Variants in GCLC observed in about 807,000 individuals in gnomAD.
GCLC encodes the protein glutamate-cysteine ligase catalytic subunit.
In GCLC, 30 loss-of-function variants were observed where a neutral mutation model predicts 81.5. The ratio of observed to expected loss-of-function variants is 0.37; its 90% confidence interval spans 0.28 to 0.50. The LOEUF (loss-of-function observed/expected upper bound fraction) is 0.50. GCLC is among the 20% of genes least tolerant of loss of function. The probability of loss-of-function intolerance (pLI) is 0.96; values close to 1 mark genes in which losing one functional copy is unlikely to be tolerated. For missense variants in GCLC, 556 were observed against 777.4 expected (o/e 0.72, Z 3.39); for synonymous variants, 262 against 273.3 (o/e 0.96, Z 0.41).
chr6:53,522,777 C>A, intron 1 of GCLC: 1 of 332,994 alleles, frequency 3.0e-6, no homozygotes, highest in Non-Finnish European at 5.6e-6. Flanking sequence ...ATGGAAAGGT[C>A]GATACCCATT....
rs3063831 is a variant in GCLC at position 53,504,221 on chromosome 6, CTT to C, written c.1395+1169_1395+1170del. On this transcript the variant is annotated intron_variant, in intron 12 of 15. Transcript: ENST00000650454. ...AAAAAATAGTAATTCTTTCCAGTTGCTTTTTTTTTTCAAGAGATGGGATCTGG... is the reference window on the plus strand; with the variant it reads ...AAAAAATAGTAATTCTTTCCAGTTGCTTTTTTTTCAAGAGATGGGATCTGG... Among the ~76,000 whole-genome samples, 2,404 of 150,010 alleles carry C rather than the reference CTT, an allele frequency of 0.016. 113 individuals are homozygous for C. The East Asian group carries it at 0.19, about 12-fold the overall frequency.
In GCLC at chr6:53,498,454, C is replaced by T. The variant is rs552111879; in HGVS notation, c.*302G>A. 8.3e-5 allele frequency: 28 copies of T among 337,592 alleles called. No individual in the cohort carries two copies. In the South Asian group the frequency reaches 1.1e-3, roughly 13 times the overall value. The allele number at this position is 337,592 out of a possible 1,614,324, so 20.9% of individuals were successfully genotyped here. A position where few individuals can be genotyped will look rare whatever the true frequency, so the allele number is the denominator to read the frequency against. ...TATTGTACAATTACCAGTACATTTA[C>T]AAAACTGCTTAGACAGTAGGTTGCT... On this transcript the variant is annotated 3_prime_UTR_variant, in exon 16 of 16. Transcript: ENST00000650454.
chr6:53,529,100 A>G (rs1440326079), intron 1 of GCLC, among the ~76,000 whole-genome samples: 1 of 152,092 alleles, frequency 6.6e-6, no homozygotes, highest in Non-Finnish European at 1.5e-5. Flanking sequence ...TCAGTTTCCT[A>G]CTCCCTAATG....
Position 53,506,998 on chromosome 6 carries a change from A to G in GCLC, c.1112T>C (p.Val371Ala), listed in dbSNP as rs750838576. 2.5e-6 allele frequency: 4 copies of G among 1,609,600 alleles called. No homozygotes were observed. In the South Asian group the frequency reaches 4.4e-5, roughly 18 times the overall value. Residue 371 changes from valine (V) to alanine (A), a missense_variant, in exon 10 of 16, where the codon GTT becomes GCT. Physicochemically the swap from Val to Ala is moderately conservative, Grantham distance 64. Transcript: ENST00000650454. The surrounding 1 kb of genome is among the most constrained non-coding windows in gnomAD (Gnocchi z 4.0). ...TGGGTCTCTAATAAAGAGATGAGCA[A>G]CATGCTGGGCCAGGAGATGATCAAT... ...EGIDHLLAQH[V>A]AHLFIRDPLT...
At chr6:53,528,594 T>C (rs9474581) in intron 1 of GCLC, among the ~76,000 whole-genome samples, 3,547 of 152,272 alleles carry the variant, frequency 0.023, 118 homozygotes, top group African/African-American at 0.079. Context: ...ATTTCATATA[T>C]TTTGAGAAAA....
intron 1 of GCLC, among the ~76,000 whole-genome samples, chr6:53,541,490 T>C (rs1043937840): frequency 6.6e-6 from 1 of 152,168 alleles, no homozygotes; most frequent in African/African-American, 2.4e-5. Flanking sequence ...CCCAGAGACA[T>C]AACTGAAGCA....
At position 53,506,656 on chromosome 6, in the gene GCLC, TA is replaced by T. The variant is rs559935579; in HGVS notation, c.1197+256del. On this transcript the variant is annotated intron_variant, in intron 10 of 15. Coordinates refer to ENST00000650454, the MANE Select transcript of GCLC (RefSeq NM_001498.4). The surrounding 1 kb of genome is among the most constrained non-coding windows in gnomAD (Gnocchi z 4.0). ...AGGCAAATAAGAAAATACTGAACAA[TA>T]AAAAAAAAAATTAGAATCAGTGAGA... 11,470 of 354,614 alleles carry T rather than the reference TA, an allele frequency of 0.032. 12 individuals carry two copies. Among genetic ancestry groups the T allele is most frequent in the South Asian group, 0.062 (1,888 of 30,580 alleles). 22.0% of individuals were successfully genotyped at this position (354,614 alleles called of 1,614,324 possible).
Position 53,517,079 on chromosome 6 carries a change from A to ATTTT in GCLC, c.447-861_447-858dup, listed in dbSNP as rs71546114. 2.7e-4 allele frequency among the ~76,000 whole-genome samples: 28 copies of ATTTT among 104,406 alleles called. 2 individuals are homozygous for ATTTT. Among genetic ancestry groups the ATTTT allele is most frequent in the African/African-American group, 9.4e-4 (24 of 25,416 alleles). 68.5% of individuals were successfully genotyped at this position (104,406 alleles called of 152,430 possible). On this transcript the variant is annotated intron_variant, in intron 3 of 15. Coordinates refer to ENST00000650454, the MANE Select transcript of GCLC (RefSeq NM_001498.4). ...ACTAGCTCATATCTTTTAAAAAAAAATTTTTTTTTTTTTTTTTTTTTTTCT... is the reference window on the plus strand; with the variant it reads ...ACTAGCTCATATCTTTTAAAAAAAAATTTTTTTTTTTTTTTTTTTTTTTTTTTCT...
At chr6:53,532,491 T>G (rs1173293789) in intron 1 of GCLC, among the ~76,000 whole-genome samples, 1 of 152,150 alleles carries the variant, frequency 6.6e-6, no homozygotes, top group African/African-American at 2.4e-5. Context: ...TAGACACAAC[T>G]TAACACACTG....
At chr6:53,536,458 C>T (rs1171904975) in intron 1 of GCLC, among the ~76,000 whole-genome samples, 2 of 152,102 alleles carry the variant, frequency 1.3e-5, no homozygotes, top group Non-Finnish European at 2.9e-5. Flanking sequence ...AATTATAACT[C>T]AATAAAGCTG....
rs1299602065 is a variant in GCLC at position 53,526,811 on chromosome 6, A to C, written c.151-4284T>G. On this transcript the variant is annotated intron_variant, in intron 1 of 15. Transcript: ENST00000650454. ...AGACTCCGCCTCAAAAAAAAAAAAA[A>C]AAAAAACAATTTGAGGAATGGCTGG... Among the ~76,000 whole-genome samples the C allele has an allele frequency of 3.3e-5, 5 of 151,830 alleles. No individual in the cohort carries two copies. In the South Asian group the frequency reaches 6.2e-4, roughly 19 times the overall value.
intron 1 of GCLC, 36 bp downstream of exon 1, chr6:53,544,460 G>C: frequency 1.3e-6 from 2 of 1,599,274 alleles, no homozygotes; most frequent in Non-Finnish European, 1.7e-6. Context: ...GGCCAGACAC[G>C]GGTGCCCGGC....
At chr6:53,524,708 A>G (rs946054862) in intron 1 of GCLC, among the ~76,000 whole-genome samples, 2 of 152,232 alleles carry the variant, frequency 1.3e-5, no homozygotes, top group Non-Finnish European at 2.9e-5. Flanking sequence ...CATGCTTCCT[A>G]AAGAAAGTCT....
chr6:53,500,621 T>C lies in GCLC; in HGVS notation c.1396-108A>G, dbSNP rs1764493130. The stretch of plus-strand genomic sequence containing the variant: ...TTAGGACTCATTCCCTTAGGGATTC[T>C]ACTTTCTGCTCAAATGCTTCCCAGT... On this transcript the variant is annotated intron_variant, in intron 12 of 15. Coordinates refer to ENST00000650454, the MANE Select transcript of GCLC (RefSeq NM_001498.4). The C allele has an allele frequency of 1.8e-5, 15 of 812,448 alleles. No homozygotes were observed. In the South Asian group the frequency reaches 2.0e-4, roughly 11 times the overall value. The allele number at this position is 812,448 out of a possible 1,614,324, so 50.3% of individuals were successfully genotyped here.
intron 3 of GCLC, among the ~76,000 whole-genome samples, chr6:53,516,684 G>A (rs1454748083): frequency 6.6e-6 from 1 of 152,084 alleles, no homozygotes; most frequent in African/African-American, 2.4e-5. Context: ...CTTCCTGGTA[G>A]GCTCTGAATC....
Position 53,506,027 on chromosome 6 carries a change from G to A in GCLC, c.1198-132C>T, listed in dbSNP as rs558937039. The A allele has an allele frequency of 2.7e-5, 19 of 704,374 alleles. No homozygotes were observed. The Middle Eastern group carries it at 1.4e-3, about 53-fold the overall frequency. 43.6% of individuals were successfully genotyped at this position (704,374 alleles called of 1,614,324 possible). A position where few individuals can be genotyped will look rare whatever the true frequency, so the allele number is the denominator to read the frequency against. ...AATTTCAATTGACAAAGACAAAAAG[G>A]TACAATTGAAGATTTTCTTCGAGTG... On this transcript the variant is annotated intron_variant, in intron 10 of 15. Transcript: ENST00000650454. The surrounding 1 kb of genome is among the most constrained non-coding windows in gnomAD (Gnocchi z 4.0).
intron 8 of GCLC, among the ~76,000 whole-genome samples, chr6:53,508,280 T>C (rs2127621173): frequency 6.6e-6 from 1 of 152,232 alleles, no homozygotes; most frequent in Middle Eastern, 3.4e-3. Flanking sequence ...GGAAAAAGAA[T>C]CTCTGACAAC....
chr6:53,513,938 A>AT (rs970652932), intron 6 of GCLC: 12 of 437,108 alleles, frequency 2.7e-5, no homozygotes, highest in East Asian at 1.6e-4. Flanking sequence ...AATATATTGC[A>AT]TTTTAAGTTA....
rs1764824960 is a variant in GCLC, at chr6:53,514,504, CA to C, written c.561-8del. On this transcript the variant is annotated splice_polypyrimidine_tract_variant and splice_region_variant and intron_variant, in intron 4 of 15. Transcript: ENST00000650454. ...GATATTTCTTGTTAAGGTACTAAAA[CA>C]GACAACCAAACGTCATAAATTGGTC... is the stretch of plus-strand genomic sequence containing the variant. 6.2e-7 allele frequency: 1 copy of C among 1,609,568 alleles called. No homozygotes were observed. Among genetic ancestry groups the C allele is most frequent in the South Asian group, 1.1e-5 (1 of 90,984 alleles).
Sources: allele counts gnomAD v4.1 joint callset (sites outside exome capture counted in the v4.1 genomes callset), GRCh38; gene constraint gnomAD v4.1.1; non-coding constraint Gnocchi (gnomAD v3.1); transcripts MANE v1.5; gene names NCBI Gene and HGNC (gene_info 2026-07-23, HGNC 2026-07-21).